Variants in LPIN1 observed in about 807,000 individuals in gnomAD.
LPIN1 encodes the protein phosphatidate phosphatase LPIN1.
LPIN1 carries 71 observed loss-of-function variants against 107.5 expected under a neutral mutation model. That is an observed-to-expected ratio of 0.66 (90% confidence interval 0.55 to 0.80). LPIN1 has a LOEUF of 0.80. Ranked by LOEUF, LPIN1 falls within the 30% of genes least tolerant of loss-of-function variation. The probability of loss-of-function intolerance (pLI) is 0.00; values close to 1 mark genes in which losing one functional copy is unlikely to be tolerated. For missense variants in LPIN1, 1,043 were observed against 1,160.6 expected, an observed-to-expected ratio of 0.90 and a Z score of 1.47; for synonymous variants, 445 against 452.6, an observed-to-expected ratio of 0.98 and a Z score of 0.21.
intron 1 of LPIN1, among the ~76,000 whole-genome samples, chr2:11,725,978 G>A (rs1664604666): frequency 6.6e-6 from 1 of 152,180 alleles, no homozygotes; most frequent in African/African-American, 2.4e-5. Context: ...AGGCTACTGT[G>A]GCCCCACCTT....
rs1682365105 is a variant in LPIN1 at position 11,826,337 on chromosome 2, C to A, written c.*1546C>A. 1 of 152,530 alleles carries A rather than the reference C, an allele frequency of 6.6e-6. No individual in the cohort carries two copies. Among genetic ancestry groups the A allele is most frequent in the African/African-American group, 2.4e-5 (1 of 41,410 alleles). 9.4% of individuals were successfully genotyped at this position (152,530 alleles called of 1,614,324 possible). ...CTTTGCCAAATGGTTCATGTGGACACACAAAGGCAAACAGATCTGCCATCG... is the reference window on the plus strand; with the variant it reads ...CTTTGCCAAATGGTTCATGTGGACAAACAAAGGCAAACAGATCTGCCATCG... On this transcript the variant is annotated 3_prime_UTR_variant, in exon 21 of 21. Coordinates refer to ENST00000674199, the MANE Select transcript of LPIN1 (RefSeq NM_001349206.2).
At chr2:11,750,254 T>C (rs532239143) in intron 1 of LPIN1, among the ~76,000 whole-genome samples, 1 of 152,288 alleles carries the variant, frequency 6.6e-6, no homozygotes, top group Admixed American at 6.5e-5. Flanking sequence ...GGTTTTAGGA[T>C]AATGGGCACC....
Position 11,713,610 on chromosome 2 carries a change from A to G in LPIN1, c.82-146A>G, listed in dbSNP as rs1323490247. 7 of 556,962 alleles carry G rather than the reference A, an allele frequency of 1.3e-5. No individual in the cohort carries two copies. In the East Asian group the frequency reaches 1.7e-4, roughly 14 times the overall value. 34.5% of individuals were successfully genotyped at this position (556,962 alleles called of 1,614,324 possible). Reference sequence around the variant, plus strand: ...TTAATTTAGTTTTTTTTTAATTGGCATATAGCCTACATACCACCGAATTCA... The same window carrying G: ...TTAATTTAGTTTTTTTTTAATTGGCGTATAGCCTACATACCACCGAATTCA... On this transcript the variant is annotated intron_variant, in intron 1 of 21. Coordinates refer to the LPIN1 transcript ENST00000449576.
chr2:11,693,789 T>C (rs1379967744), intron 1 of LPIN1, among the ~76,000 whole-genome samples: 7 of 19,830 alleles, frequency 3.5e-4, no homozygotes, highest in African/African-American at 1.9e-3. Context: ...TGTGAGTGTG[T>C]ATATATATAT....
At chr2:11,761,697 G>A (rs1484269074) in intron 1 of LPIN1, among the ~76,000 whole-genome samples, 1 of 152,118 alleles carries the variant, frequency 6.6e-6, no homozygotes, top group Non-Finnish European at 1.5e-5. Flanking sequence ...ATTTGCAAAT[G>A]GGTGTGCTGA....
intron 18 of LPIN1, chr2:11,816,008 A>G (rs1054251755): frequency 6.6e-6 from 1 of 152,214 alleles, no homozygotes; most frequent in Non-Finnish European, 1.5e-5. Context: ...GGCTGATTGT[A>G]AATATCATAA....
chr2:11,693,599 C>G (rs957633437), intron 1 of LPIN1, among the ~76,000 whole-genome samples: 1 of 151,730 alleles, frequency 6.6e-6, no homozygotes, highest in East Asian at 1.9e-4. Context: ...ACCATGGGCA[C>G]TCCCTGAGAC....
intron 3 of LPIN1, among the ~76,000 whole-genome samples, chr2:11,770,797 G>C (rs776631699): frequency 2.2e-4 from 33 of 152,224 alleles, no homozygotes; most frequent in Non-Finnish European, 4.0e-4. Context: ...GAGAGGATCA[G>C]TATCTACTTC....
chr2:11,787,454 G>A (rs1674828824), intron 11 of LPIN1, among the ~76,000 whole-genome samples: 2 of 138,754 alleles, frequency 1.4e-5, no homozygotes, highest in Admixed American at 1.5e-4. Context: ...AGGCTGGAGT[G>A]CAGTGGTGCA....
intron 1 of LPIN1, among the ~76,000 whole-genome samples, chr2:11,702,776 GTC>G (rs1351952205): frequency 6.6e-6 from 1 of 152,108 alleles, no homozygotes; most frequent in Non-Finnish European, 1.5e-5. Context: ...GTCTCTCTCT[GTC>G]TCTCTGCCTC....
chr2:11,815,836 G>A (rs1406040814), intron 18 of LPIN1, among the ~76,000 whole-genome samples: 1 of 152,026 alleles, frequency 6.6e-6, no homozygotes, highest in Non-Finnish European at 1.5e-5. Context: ...CTTCACCTAT[G>A]GGGCCATATC....
Position 11,782,181 on chromosome 2 carries a change from C to T in LPIN1, c.958-20C>T, listed in dbSNP as rs912733590. 3 of 1,595,334 alleles carry T rather than the reference C, an allele frequency of 1.9e-6. No homozygotes were observed. The highest frequency in any genetic ancestry group is 2.6e-6 in the Non-Finnish European group (3 of 1,163,266). Reference sequence around the variant, plus strand: ...GCTGACCTTGTCTCTCTCTCTGTCCCTCTCTCCTCTTTGCTCTAGTCTTCT... The same window carrying T: ...GCTGACCTTGTCTCTCTCTCTGTCCTTCTCTCCTCTTTGCTCTAGTCTTCT... On this transcript the variant is annotated intron_variant, in intron 7 of 20. Coordinates refer to ENST00000674199, the MANE Select transcript of LPIN1 (RefSeq NM_001349206.2).
chr2:11,748,681 C>T (rs1667334494), intron 1 of LPIN1, among the ~76,000 whole-genome samples: 1 of 152,172 alleles, frequency 6.6e-6, no homozygotes, highest in African/African-American at 2.4e-5. Flanking sequence ...CCCCTGCCTG[C>T]CACCTCTCTT....
At chr2:11,680,994 T>A (rs1039848463) in intron 1 of LPIN1, among the ~76,000 whole-genome samples, 1 of 152,204 alleles carries the variant, frequency 6.6e-6, no homozygotes, top group African/African-American at 2.4e-5. Flanking sequence ...CACAGGTGCT[T>A]GATAAATGGT....
intron 17 of LPIN1, among the ~76,000 whole-genome samples, chr2:11,813,155 C>T (rs992592252): frequency 3.3e-5 from 5 of 152,038 alleles, no homozygotes; most frequent in Non-Finnish European, 5.9e-5. Flanking sequence ...GTGGGGTCCA[C>T]GGTGAGCACG....
Position 11,771,667 on chromosome 2 carries a change from TGGAGAGCAGCA to T in LPIN1, c.587_596+1del, listed in dbSNP as rs1192670124. 3 of 1,591,520 alleles carry T rather than the reference TGGAGAGCAGCA, an allele frequency of 1.9e-6. No individual in the cohort carries two copies. The highest frequency in any genetic ancestry group is 2.6e-6 in the Non-Finnish European group (3 of 1,169,252). ...AGCTCGGATGAGGCCATGGAGCTGC[TGGAGAGCAGCA>T]GGTAATAACTGTCCAGGGTGGAGGG... is the stretch of plus-strand genomic sequence containing the variant. On this transcript the variant is annotated frameshift_variant and splice_region_variant, in exon 4 of 21. Coordinates refer to ENST00000674199, the MANE Select transcript of LPIN1 (RefSeq NM_001349206.2). LOFTEE classifies it high-confidence loss of function. The surrounding 1 kb of genome is among the most constrained non-coding windows in gnomAD (Gnocchi z 4.8).
At chr2:11,741,204 C>A (rs996649097) in intron 1 of LPIN1, 1 of 577,950 alleles carries the variant, frequency 1.7e-6, no homozygotes, top group Non-Finnish European at 3.1e-6. Context: ...AGGGACTGAC[C>A]AGGAGCCCGG....
At position 11,764,076 on chromosome 2, in the gene LPIN1, G is replaced by A. The variant is rs867655119; in HGVS notation, c.-9-1457G>A. The A allele has an allele frequency of 5.4e-3, 310 of 57,624 alleles. 3 individuals are homozygous for A. Among genetic ancestry groups the A allele is most frequent in the African/African-American group, 0.022 (229 of 10,422 alleles). The allele number at this position is 57,624 out of a possible 1,614,324, so 3.6% of individuals were successfully genotyped here. On this transcript the variant is annotated intron_variant, in intron 1 of 20. Transcript: ENST00000674199. ...CAAATGTGTGTGTGTGTGTGTGTGT[G>A]TGTATATATATATATATATATATAT...
intron 1 of LPIN1, among the ~76,000 whole-genome samples, chr2:11,732,162 G>C (rs1163022909): frequency 6.6e-6 from 1 of 152,156 alleles, no homozygotes; most frequent in East Asian, 1.9e-4. Context: ...GTAATATCTT[G>C]CAATATGTGC....
Sources: allele counts gnomAD v4.1 joint callset (sites outside exome capture counted in the v4.1 genomes callset), GRCh38; gene constraint gnomAD v4.1.1; non-coding constraint Gnocchi (gnomAD v3.1); transcripts MANE v1.5; gene names NCBI Gene and HGNC (gene_info 2026-07-23, HGNC 2026-07-21).